Variants in TENM4 observed in about 807,000 individuals in gnomAD.
TENM4 encodes the protein teneurin-4.
Under a neutral mutation model 243.3 loss-of-function variants are expected in TENM4, and 82 were observed. The observed-to-expected ratio is 0.34, with a 90% CI of 0.28 to 0.40. The LOEUF is 0.40. Among genes scored for constraint, TENM4 ranks in the 10% least tolerant of loss-of-function variants. The pLI is 1.00. For synonymous variants in TENM4, 1,412 were observed against 1,456.3 expected, an observed-to-expected ratio of 0.97 and a Z score of 0.69; for missense variants, 3,138 against 3,673.3, an observed-to-expected ratio of 0.85 and a Z score of 3.77.
chr11:79,074,085 C>T (rs1316519549), intron 4 of TENM4, among the ~76,000 whole-genome samples: 1 of 152,244 alleles, frequency 6.6e-6, no homozygotes, highest in Non-Finnish European at 1.5e-5. Context: ...ACCTAACGCA[C>T]AGCTTCCCTG....
At chr11:79,070,090 C>T (rs146733667) in intron 4 of TENM4, 81 bp from the exon 5 acceptor site, 20,408 of 1,433,700 alleles carry the variant, frequency 0.014, 174 homozygotes, top group Non-Finnish European at 0.017. Context: ...TTCACCCTTG[C>T]AGCCCTGTGG....
chr11:79,111,073 A>T (rs2512082), intron 4 of TENM4, among the ~76,000 whole-genome samples: 123,034 of 152,028 alleles, frequency 0.81, 49,966 homozygotes, highest in African/African-American at 0.85. Flanking sequence ...ATGGGGGTGG[A>T]TTCCCCCATA....
At chr11:78,931,090 G>C (rs1333555678) in intron 6 of TENM4, among the ~76,000 whole-genome samples, 1 of 152,166 alleles carries the variant, frequency 6.6e-6, no homozygotes, top group Non-Finnish European at 1.5e-5. Flanking sequence ...TCCCCGGCCT[G>C]TTAACTCTCC....
chr11:78,714,260 T>C (rs114535636), intron 25 of TENM4, among the ~76,000 whole-genome samples: 3,976 of 152,300 alleles, frequency 0.026, 169 homozygotes, highest in African/African-American at 0.091. Context: ...GAATTCCCTA[T>C]GAAGGCTGGG....
At chr11:78,827,008 T>C (rs2136136554) in intron 12 of TENM4, among the ~76,000 whole-genome samples, 1 of 152,338 alleles carries the variant, frequency 6.6e-6, no homozygotes, top group Non-Finnish European at 1.5e-5. Flanking sequence ...ATTTGGGTAC[T>C]GCTTTTATGC....
intron 6 of TENM4, among the ~76,000 whole-genome samples, chr11:79,028,862 T>A (rs1170176664): frequency 6.6e-6 from 1 of 152,162 alleles, no homozygotes; most frequent in African/African-American, 2.4e-5. Context: ...GAGTTCAATT[T>A]TAGAAGTATT....
intron 6 of TENM4, among the ~76,000 whole-genome samples, chr11:79,057,875 A>G (rs909846143): frequency 2.0e-5 from 3 of 152,130 alleles, no homozygotes; most frequent in African/African-American, 7.2e-5. Flanking sequence ...CTTTGCCCAC[A>G]TAGAATGTCC....
chr11:79,132,233 C>T (rs1200352061), intron 4 of TENM4, among the ~76,000 whole-genome samples: 4 of 149,686 alleles, frequency 2.7e-5, no homozygotes, highest in Non-Finnish European at 4.4e-5. Flanking sequence ...GTAGTCCCAG[C>T]TACTCAGGAG....
At chr11:79,369,410 T>C (rs1242043245) in intron 1 of TENM4, among the ~76,000 whole-genome samples, 3 of 148,030 alleles carry the variant, frequency 2.0e-5, no homozygotes, top group Non-Finnish European at 4.4e-5. Flanking sequence ...CTGCTTTCAC[T>C]TTTTTTTTCT....
At chr11:79,213,078 G>C (rs1863983199) in intron 3 of TENM4, among the ~76,000 whole-genome samples, 1 of 152,172 alleles carries the variant, frequency 6.6e-6, no homozygotes, top group African/African-American at 2.4e-5. Flanking sequence ...GATAATGTCT[G>C]TGCCATGTGG....
At chr11:78,660,642 C>A (rs1212310092) in intron 33 of TENM4, among the ~76,000 whole-genome samples, 2 of 152,132 alleles carry the variant, frequency 1.3e-5, no homozygotes, top group African/African-American at 4.8e-5. Flanking sequence ...GTCTGTCATC[C>A]CCTGGGCAAG....
intron 20 of TENM4, 39 bp downstream of exon 20, chr11:78,738,412 G>A (rs566665984): frequency 1.6e-5 from 25 of 1,598,292 alleles, no homozygotes; most frequent in South Asian, 1.1e-4. Flanking sequence ...CCACAAGAGC[G>A]GGACCTTCAC....
At chr11:78,797,205 C>G (rs1857179006) in intron 15 of TENM4, among the ~76,000 whole-genome samples, 1 of 152,226 alleles carries the variant, frequency 6.6e-6, no homozygotes, top group Non-Finnish European at 1.5e-5. Flanking sequence ...GCAAGTCACG[C>G]AAGTTCTCTG....
At chr11:79,362,427 A>G (rs1218719044) in intron 1 of TENM4, among the ~76,000 whole-genome samples, 4 of 152,252 alleles carry the variant, frequency 2.6e-5, no homozygotes, top group East Asian at 3.8e-4. Context: ...ACTGCAATCT[A>G]TCCCTCATGG....
At position 79,285,359 on chromosome 11, in the gene TENM4, A is replaced by T. The variant is rs577210228; in HGVS notation, c.-265+12129T>A. ...ACAAGGAAATAAAAAAGACATAAAA[A>T]GTATTGAAAAGGATGTAAAAAAATT... is the stretch of plus-strand genomic sequence containing the variant. On this transcript the variant is annotated intron_variant, in intron 2 of 33. Transcript: ENST00000278550. 3.3e-5 allele frequency among the ~76,000 whole-genome samples: 5 copies of T among 152,356 alleles called. No individual in the cohort carries two copies. The East Asian group carries it at 9.6e-4, about 29-fold the overall frequency.
rs1467881991 is a variant in TENM4, at chr11:79,139,746, T to TA, written c.-66+8963dup. On this transcript the variant is annotated intron_variant, in intron 4 of 33. Transcript: ENST00000278550. ...AATATATATTATATTTATATAAATA[T>TA]ATAATATATATTATATTTATATAAA... 3.8e-4 allele frequency among the ~76,000 whole-genome samples: 21 copies of TA among 55,458 alleles called. 4 individuals are homozygous for TA. The South Asian group carries it at 5.7e-3, about 15-fold the overall frequency. The allele number at this position is 55,458 out of a possible 152,430, so 36.4% of individuals were successfully genotyped here.
chr11:79,346,624 C>T (rs79018701), intron 1 of TENM4, among the ~76,000 whole-genome samples: 3,040 of 152,228 alleles, frequency 0.02, 98 homozygotes, highest in African/African-American at 0.07. Flanking sequence ...TTCCCAAAGC[C>T]AAGTTCTTGG....
intron 6 of TENM4, among the ~76,000 whole-genome samples, chr11:79,004,694 G>A (rs1858429047): frequency 6.6e-6 from 1 of 151,950 alleles, no homozygotes; most frequent in Non-Finnish European, 1.5e-5. Context: ...ACACTAACTA[G>A]AGAAACAAGA....
chr11:78,694,918 C>G (rs1157448147), intron 28 of TENM4, among the ~76,000 whole-genome samples: 1 of 152,248 alleles, frequency 6.6e-6, no homozygotes, highest in Non-Finnish European at 1.5e-5. Context: ...ATCATTACAG[C>G]TCCCACTGGA....
Sources: allele counts gnomAD v4.1 joint callset (sites outside exome capture counted in the v4.1 genomes callset), GRCh38; gene constraint gnomAD v4.1.1; transcripts MANE v1.5; gene names NCBI Gene and HGNC (gene_info 2026-07-23, HGNC 2026-07-21).